The following NRG1 variants were observed in gnomAD, a reference collection of about 807,000 sequenced individuals.
NRG1 encodes neuregulin 1.
Under a neutral mutation model 63.8 loss-of-function variants are expected in NRG1, and 18 were observed. The observed-to-expected ratio is 0.28, with a 90% CI of 0.19 to 0.42. The LOEUF (loss-of-function observed/expected upper bound fraction) is 0.42. Ranked by LOEUF, NRG1 falls within the 10% of genes least tolerant of loss-of-function variation. The pLI, the probability that NRG1 is intolerant of heterozygous loss-of-function variation, is 1.00. For synonymous variants in NRG1, 302 were observed against 301.3 expected (o/e 1.00, Z -0.02); for missense variants, 762 against 814.7 (o/e 0.94, Z 0.79).
In NRG1 at chr8:31,639,954, G is replaced by T. The variant is rs760004636; in HGVS notation, c.37+523G>T. 5.3e-6 allele frequency: 6 copies of T among 1,124,078 alleles called. No homozygotes were observed. The Admixed American group carries it at 1.5e-4, about 28-fold the overall frequency. 69.6% of individuals were successfully genotyped at this position (1,124,078 alleles called of 1,614,324 possible). On this transcript the variant is annotated intron_variant, in intron 1 of 10. Transcript: ENST00000519301. The stretch of plus-strand genomic sequence containing the variant: ...GAGAGAGCCGGGCAGAGTCCGAACC[G>T]ACAGCCAGAAGCCCGCACGCACCTC...
intron 1 of NRG1, among the ~76,000 whole-genome samples, chr8:31,947,590 C>G (rs982882914): frequency 5.3e-5 from 8 of 152,086 alleles, no homozygotes; most frequent in African/African-American, 1.9e-4. Flanking sequence ...ATTATGCAAA[C>G]ACACACCTTC....
At chr8:32,321,921 G>T (rs1042406719) in intron 1 of NRG1, among the ~76,000 whole-genome samples, 2 of 151,776 alleles carry the variant, frequency 1.3e-5, no homozygotes, top group African/African-American at 4.8e-5. Flanking sequence ...GAGACAAGAT[G>T]CTGCCTTAAC....
intron 1 of NRG1, among the ~76,000 whole-genome samples, chr8:32,385,609 G>T (rs1034026350): frequency 1.3e-5 from 2 of 152,092 alleles, no homozygotes; most frequent in African/African-American, 4.8e-5. Context: ...AAGCAAGAAA[G>T]AGAGCCAGGA....
At chr8:32,266,516 C>T (rs1436705192) in intron 1 of NRG1, among the ~76,000 whole-genome samples, 2 of 152,102 alleles carry the variant, frequency 1.3e-5, no homozygotes, top group African/African-American at 2.4e-5. Context: ...TCTGGGAAAA[C>T]ACCATTGAGG....
chr8:31,909,299 T>C (rs1397303680), intron 1 of NRG1, among the ~76,000 whole-genome samples: 1 of 152,144 alleles, frequency 6.6e-6, no homozygotes, highest in Non-Finnish European at 1.5e-5. Flanking sequence ...TTGAACTTTA[T>C]AACATCCCTT....
intron 1 of NRG1, among the ~76,000 whole-genome samples, chr8:32,117,036 G>A (rs1832819999): frequency 6.6e-6 from 1 of 150,848 alleles, no homozygotes; most frequent in African/African-American, 2.4e-5. Flanking sequence ...TAGCTACTCA[G>A]GAGGCTGAAG....
At chr8:32,278,485 C>G (rs1016069604) in intron 1 of NRG1, among the ~76,000 whole-genome samples, 15 of 152,192 alleles carry the variant, frequency 9.9e-5, no homozygotes, top group African/African-American at 2.9e-4. Flanking sequence ...CAGAGTGGTT[C>G]TGGACATAGT....
intron 1 of NRG1, among the ~76,000 whole-genome samples, chr8:32,010,515 C>T (rs1006920500): frequency 2.6e-5 from 4 of 152,010 alleles, no homozygotes; most frequent in African/African-American, 4.8e-5. Context: ...GGAACACATA[C>T]TTGGTACATT....
intron 1 of NRG1, among the ~76,000 whole-genome samples, chr8:32,222,778 G>A (rs79120219): frequency 1.1e-4 from 17 of 152,244 alleles, no homozygotes; most frequent in East Asian, 3.9e-4. Context: ...GCCACCACTT[G>A]AAGGGATCTG....
chr8:32,622,834 G>A (rs1486812457), intron 5 of NRG1, among the ~76,000 whole-genome samples: 2 of 152,216 alleles, frequency 1.3e-5, no homozygotes, highest in African/African-American at 4.8e-5. Flanking sequence ...GAGAGCTAGT[G>A]TGTGGAAAAG....
chr8:32,761,831 G>C (rs1589650669), intron 11 of NRG1, among the ~76,000 whole-genome samples: 1 of 151,598 alleles, frequency 6.6e-6, no homozygotes, highest in East Asian at 1.9e-4. Flanking sequence ...ACGAGGTCAG[G>C]AGATCAAGAC....
At chr8:32,641,765 G>T (rs1852440516) in intron 5 of NRG1, among the ~76,000 whole-genome samples, 1 of 152,184 alleles carries the variant, frequency 6.6e-6, no homozygotes, top group Non-Finnish European at 1.5e-5. Flanking sequence ...CAAATTGTCT[G>T]CTCTGAGAAC....
At chr8:32,407,339 C>A (rs1407666523) in intron 1 of NRG1, among the ~76,000 whole-genome samples, 4 of 112,202 alleles carry the variant, frequency 3.6e-5, no homozygotes, top group African/African-American at 3.4e-5. Flanking sequence ...ATATGGCCAA[C>A]CATATATCTA....
rs375002742 is a variant in NRG1 at position 31,965,469 on chromosome 8, C to T, written c.37+326038C>T. ...AATTCCCAACCTCATGTGATCCACC[C>T]GCCTTGGCCTCTCAAAGTGCTGGGA... On this transcript the variant is annotated intron_variant, in intron 1 of 10. Coordinates refer to the NRG1 transcript ENST00000519301. Among the ~76,000 whole-genome samples the T allele has an allele frequency of 1.5e-4, 23 of 152,178 alleles. No individual in the cohort carries two copies. The South Asian group carries it at 4.4e-3, about 29-fold the overall frequency.
At chr8:31,693,291 A>G (rs1809720781) in intron 1 of NRG1, among the ~76,000 whole-genome samples, 1 of 152,200 alleles carries the variant, frequency 6.6e-6, no homozygotes, top group Non-Finnish European at 1.5e-5. Flanking sequence ...TGGACCTTTG[A>G]TAGAGGTGAC....
At chr8:32,534,081 C>G in intron 1 of NRG1, among the ~76,000 whole-genome samples, 1 of 152,130 alleles carries the variant, frequency 6.6e-6, no homozygotes, top group East Asian at 1.9e-4. Flanking sequence ...AGGACATTCT[C>G]TTTAACAGCC....
intron 1 of NRG1, among the ~76,000 whole-genome samples, chr8:32,128,394 G>C (rs182187391): frequency 6.6e-6 from 1 of 152,030 alleles, no homozygotes; most frequent in South Asian, 2.1e-4. Context: ...AACAGGACAC[G>C]TTTGCAGTTC....
At position 32,154,232 on chromosome 8, in the gene NRG1, C is replaced by T. The variant is rs1431205933; in HGVS notation, c.38-441596C>T. ...ATTGAGGAAGGCCAATGCAGTTTTG[C>T]GATCTCTCTACCTCTTCATTTTTCC... On this transcript the variant is annotated intron_variant, in intron 1 of 10. Coordinates refer to the NRG1 transcript ENST00000519301. Among the ~76,000 whole-genome samples the T allele has an allele frequency of 6.6e-5, 10 of 152,094 alleles. 1 individual carries two copies. The highest frequency in any genetic ancestry group is 4.2e-4 in the South Asian group (2 of 4,814).
At chr8:32,083,579 T>C (rs764444779) in intron 1 of NRG1, among the ~76,000 whole-genome samples, 34 of 152,146 alleles carry the variant, frequency 2.2e-4, no homozygotes, top group Non-Finnish European at 4.4e-4. Flanking sequence ...TTCCCAGGAT[T>C]CCAGCTCCTT....
Sources: gnomAD v4.1 joint callset for allele counts (sites outside exome capture counted in the v4.1 genomes callset) on GRCh38, gnomAD v4.1.1 for gene constraint, MANE v1.5 for transcripts, NCBI Gene and HGNC (gene_info 2026-07-23, HGNC 2026-07-21) for gene names.